The following SLC2A13 variants were observed in gnomAD, a reference collection of about 807,000 sequenced individuals.
The protein encoded by SLC2A13 is solute carrier family 2 member 13.
SLC2A13 carries 32 observed loss-of-function variants against 64.4 expected under a neutral mutation model. The observed-to-expected ratio is 0.50, with a 90% CI of 0.37 to 0.67. The LOEUF (loss-of-function observed/expected upper bound fraction) is 0.67, where lower values mean the gene tolerates loss of function less well. SLC2A13 is among the 30% of genes least tolerant of loss of function. The pLI, the probability that SLC2A13 is intolerant of heterozygous loss-of-function variation, is 0.00. For synonymous variants in SLC2A13, 338 were observed against 327.1 expected, an observed-to-expected ratio of 1.03 and a Z score of -0.36; for missense variants, 743 against 829.2, an observed-to-expected ratio of 0.90 and a Z score of 1.28.
At chr12:39,986,255 T>A in intron 3 of SLC2A13, among the ~76,000 whole-genome samples, 1 of 151,932 alleles carries the variant, frequency 6.6e-6, no homozygotes, top group East Asian at 1.9e-4. Flanking sequence ...AATATATGAA[T>A]TGGGGTGGGG....
chr12:39,847,867 C>T (rs1943360003), intron 6 of SLC2A13, among the ~76,000 whole-genome samples: 1 of 152,114 alleles, frequency 6.6e-6, no homozygotes, highest in Admixed American at 6.6e-5. Flanking sequence ...CTACCCAAGT[C>T]TCCAACATCT....
intron 7 of SLC2A13, among the ~76,000 whole-genome samples, chr12:39,773,844 G>T (rs1555234197): frequency 6.6e-6 from 1 of 152,158 alleles, no homozygotes; most frequent in Non-Finnish European, 1.5e-5. Context: ...GTTTATAAAA[G>T]ATCCAGAATT....
Position 39,797,799 on chromosome 12 carries a change from C to T in SLC2A13, c.1445+32304G>A, listed in dbSNP as rs777820869. 6.0e-5 allele frequency among the ~76,000 whole-genome samples: 9 copies of T among 150,996 alleles called. No homozygotes were observed. The East Asian group carries it at 1.2e-3, about 20-fold the overall frequency. On this transcript the variant is annotated intron_variant, in intron 7 of 9. Transcript: ENST00000280871. ...ACATACACGGATGCATACTGAAAAC[C>T]GGTCGTAATTCAACCTATATATTCT...
intron 3 of SLC2A13, among the ~76,000 whole-genome samples, chr12:40,007,806 A>G (rs1178761041): frequency 6.6e-6 from 1 of 152,218 alleles, no homozygotes; most frequent in Non-Finnish European, 1.5e-5. Context: ...CCTCACACAT[A>G]GAAGCCATTA....
Position 40,105,674 on chromosome 12 carries a change from G to A in SLC2A13, c.135C>T (p.Ala45=), listed in dbSNP as rs774864576. ...AAGECSLLAA[A]ESSTSLQSAG... ...CGCTCTGCAGGCTGGTGCTCGATTC[G>A]GCGGCAGCCAGGAGGCTGCACTCCC... Residue 45 remains alanine, a synonymous_variant, in exon 1 of 10, where the codon GCC becomes GCT. Coordinates refer to ENST00000280871, the MANE Select transcript of SLC2A13 (RefSeq NM_052885.4). This position sits in a 1 kb window ranked among gnomAD's most constrained non-coding sequence, Gnocchi z 4.2. The A allele has an allele frequency of 6.7e-7, 1 of 1,490,998 alleles. No individual in the cohort carries two copies. 92.4% of individuals were successfully genotyped at this position (1,490,998 alleles called of 1,614,324 possible). A position where few individuals can be genotyped will look rare whatever the true frequency, so the allele number is the denominator to read the frequency against.
At chr12:39,961,786 C>A (rs890290085) in intron 3 of SLC2A13, among the ~76,000 whole-genome samples, 1 of 151,404 alleles carries the variant, frequency 6.6e-6, no homozygotes, top group Non-Finnish European at 1.5e-5. Context: ...CAGGTGTGAG[C>A]CGCCACACTC....
intron 6 of SLC2A13, among the ~76,000 whole-genome samples, chr12:39,854,943 T>A (rs1421488614): frequency 6.6e-6 from 1 of 152,198 alleles, no homozygotes; most frequent in Admixed American, 6.5e-5. Context: ...CTGTGACGGG[T>A]CCTTAATATG....
At chr12:39,956,795 G>T (rs1218432540) in intron 3 of SLC2A13, among the ~76,000 whole-genome samples, 1 of 152,000 alleles carries the variant, frequency 6.6e-6, no homozygotes. Flanking sequence ...TAATATTAAA[G>T]TTAAGGAGGA....
At chr12:40,041,116 C>T (rs181875547) in intron 2 of SLC2A13, among the ~76,000 whole-genome samples, 1 of 152,258 alleles carries the variant, frequency 6.6e-6, no homozygotes, top group Non-Finnish European at 1.5e-5. Flanking sequence ...CCGCGCCCGG[C>T]TAATTTTATT....
chr12:39,941,875 G>A (rs1439294177), intron 4 of SLC2A13, among the ~76,000 whole-genome samples: 1 of 152,132 alleles, frequency 6.6e-6, no homozygotes, highest in East Asian at 1.9e-4. Context: ...TCCATTTTGA[G>A]TTGATTTTTC....
intron 3 of SLC2A13, among the ~76,000 whole-genome samples, chr12:39,988,553 G>GGAAA (rs1011702938): frequency 6.8e-6 from 1 of 147,626 alleles, no homozygotes; most frequent in South Asian, 2.2e-4. Context: ...AGAAAACAAA[G>GGAAA]GAAAGAAAGA....
intron 1 of SLC2A13, among the ~76,000 whole-genome samples, chr12:40,102,796 C>T (rs2136310432): frequency 6.6e-6 from 1 of 152,180 alleles, no homozygotes; most frequent in Middle Eastern, 3.4e-3. Context: ...AACCCATTTC[C>T]TTGTAGCTTA....
intron 6 of SLC2A13, among the ~76,000 whole-genome samples, chr12:39,856,021 T>G (rs572250835): frequency 6.6e-6 from 1 of 152,276 alleles, no homozygotes; most frequent in East Asian, 1.9e-4. Context: ...ATAGAAGGTA[T>G]TGCTAATCAT....
In SLC2A13 at chr12:39,993,869, C is replaced by T. The variant is rs28370641; in HGVS notation, c.925+34432G>A. 3.9e-5 allele frequency among the ~76,000 whole-genome samples: 6 copies of T among 152,214 alleles called. 1 individual carries two copies. The highest frequency in any genetic ancestry group is 1.9e-4 in the East Asian group (1 of 5,184). On this transcript the variant is annotated intron_variant, in intron 3 of 9. Coordinates refer to ENST00000280871, the MANE Select transcript of SLC2A13 (RefSeq NM_052885.4). ...ACTATTCTTTCTAAGAAAACAGACA[C>T]GTATTTGTTTCTTATCTACTTAAAT...
rs372276262 is a variant in SLC2A13, at chr12:39,925,661, T to C, written c.1034+25596A>G. 3.3e-5 allele frequency among the ~76,000 whole-genome samples: 5 copies of C among 152,182 alleles called. No individual in the cohort carries two copies. In the East Asian group the frequency reaches 7.7e-4, roughly 23 times the overall value. On this transcript the variant is annotated intron_variant, in intron 4 of 9. Transcript: ENST00000280871. ...TTTTTTAATGGCTAAATCTTTTTCA[T>C]GTCAATTATTTTAGTTTTTACTACT...
rs562569065 is a variant in SLC2A13 at position 39,854,140 on chromosome 12, G to A, written c.1319+10622C>T. ...AAGGCCATTAGCTTGACTAAGGGAG[G>A]CAGGTGGACAGAACAAAATGGCTCT... On this transcript the variant is annotated intron_variant, in intron 6 of 9. Coordinates refer to ENST00000280871, the MANE Select transcript of SLC2A13 (RefSeq NM_052885.4). 2.2e-3 allele frequency among the ~76,000 whole-genome samples: 339 copies of A among 152,008 alleles called. 1 individual carries two copies. Among genetic ancestry groups the A allele is most frequent in the African/African-American group, 7.3e-3 (303 of 41,482 alleles).
intron 7 of SLC2A13, among the ~76,000 whole-genome samples, chr12:39,813,947 A>C (rs1268878844): frequency 6.6e-6 from 1 of 152,216 alleles, no homozygotes; most frequent in Non-Finnish European, 1.5e-5. Flanking sequence ...ATAACTCCAC[A>C]TTTCGAAAGT....
At chr12:39,880,704 G>GC (rs1188453380) in intron 4 of SLC2A13, among the ~76,000 whole-genome samples, 3 of 152,170 alleles carry the variant, frequency 2.0e-5, no homozygotes, top group African/African-American at 7.2e-5. Context: ...TTCTACATAT[G>GC]CCAATGTTGC....
chr12:39,779,502 A>G (rs900083425), intron 7 of SLC2A13, among the ~76,000 whole-genome samples: 2 of 152,198 alleles, frequency 1.3e-5, no homozygotes, highest in African/African-American at 4.8e-5. Flanking sequence ...CAGGCGTCAT[A>G]GGCCAGCACT....
Sources: gnomAD v4.1 joint callset for allele counts (sites outside exome capture counted in the v4.1 genomes callset) on GRCh38, gnomAD v4.1.1 for gene constraint, Gnocchi (gnomAD v3.1) non-coding constraint, MANE v1.5 for transcripts, NCBI Gene and HGNC (gene_info 2026-07-23, HGNC 2026-07-21) for gene names.